SNRPB2: variants seen among roughly 807,000 people sequenced by gnomAD.
SNRPB2 encodes the protein small nuclear ribonucleoprotein polypeptide B2.
Under a neutral mutation model 26.3 loss-of-function variants are expected in SNRPB2, and 16 were observed. The observed-to-expected ratio is 0.61, with a 90% confidence interval of 0.41 to 0.92. SNRPB2 has a LOEUF of 0.92. Ranked by LOEUF, SNRPB2 falls within the 40% of genes least tolerant of loss-of-function variation. The pLI is 0.00. For synonymous variants in SNRPB2, 75 were observed against 89.0 expected (o/e 0.84, Z 0.88); for missense variants, 179 against 268.1 (o/e 0.67, Z 2.32).
intron 4 of SNRPB2, among the ~76,000 whole-genome samples, chr20:16,737,702 A>G (rs1193921966): frequency 6.6e-6 from 1 of 152,162 alleles, no homozygotes; most frequent in African/African-American, 2.4e-5. Context: ...GCCTATAAAT[A>G]ATACTGTAGT....
At chr20:16,736,876 TGAG>T (rs2072429416) in intron 3 of SNRPB2, among the ~76,000 whole-genome samples, 1 of 152,218 alleles carries the variant, frequency 6.6e-6, no homozygotes, top group Non-Finnish European at 1.5e-5. Flanking sequence ...CCTCAGGCAC[TGAG>T]GAGATTTGAA....
At chr20:16,736,010 T>C (rs1355185223) in intron 3 of SNRPB2, among the ~76,000 whole-genome samples, 1 of 152,222 alleles carries the variant, frequency 6.6e-6, no homozygotes, top group African/African-American at 2.4e-5. Flanking sequence ...GTTGTTGTTG[T>C]TTTTGTTCTG....
intron 5 of SNRPB2, 43 bp from the exon 6 acceptor site, chr20:16,740,282 G>T (rs201963096): frequency 1.2e-6 from 2 of 1,603,028 alleles, no homozygotes; most frequent in South Asian, 2.2e-5. Context: ...TTACGATGCT[G>T]TTTAAACTTA....
At chr20:16,736,119 A>T (rs2122502968) in intron 3 of SNRPB2, among the ~76,000 whole-genome samples, 1 of 152,366 alleles carries the variant, frequency 6.6e-6, no homozygotes, top group East Asian at 1.9e-4. Flanking sequence ...AATGATGTAA[A>T]TCAAATTGGT....
At chr20:16,730,469 CGCATGAAACCCT>C (rs1457832031) in intron 1 of SNRPB2, 2 of 152,384 alleles carry the variant, frequency 1.3e-5, no homozygotes, top group African/African-American at 2.4e-5. Context: ...GATCAAACCT[CGCATGAAACCCT>C]GCAAGAGCCT....
rs532592278 is a variant in SNRPB2 at position 16,742,165 on chromosome 20, T to A, written c.*1160T>A. On this transcript the variant is annotated 3_prime_UTR_variant, in exon 7 of 7. Transcript: ENST00000246071. ...AGTTAGTCTGACTCTTCTGAATAACTTTTTTAATCCCAGTAGTCAAGCTCC... is the reference window on the plus strand; with the variant it reads ...AGTTAGTCTGACTCTTCTGAATAACATTTTTAATCCCAGTAGTCAAGCTCC... 6.6e-6 allele frequency: 1 copy of A among 151,360 alleles called. No individual in the cohort carries two copies. The highest frequency in any genetic ancestry group is 1.5e-5 in the Non-Finnish European group (1 of 68,038). 9.4% of individuals were successfully genotyped at this position (151,360 alleles called of 1,614,324 possible).
intron 3 of SNRPB2, among the ~76,000 whole-genome samples, chr20:16,733,632 TG>T (rs1467964511): frequency 6.6e-6 from 1 of 152,234 alleles, no homozygotes; most frequent in East Asian, 1.9e-4. Context: ...AGATAATCTG[TG>T]TTGCAACTAC....
chr20:16,734,933 T>G (rs2072415616), intron 3 of SNRPB2, among the ~76,000 whole-genome samples: 1 of 152,210 alleles, frequency 6.6e-6, no homozygotes. Flanking sequence ...GAGGGAACCC[T>G]TAGGACCAAG....
chr20:16,731,172 G>A (rs940105859), intron 1 of SNRPB2, among the ~76,000 whole-genome samples: 1 of 152,158 alleles, frequency 6.6e-6, no homozygotes, highest in African/African-American at 2.4e-5. Context: ...TTTCAAGTCG[G>A]TTAGAGATAA....
intron 3 of SNRPB2, among the ~76,000 whole-genome samples, chr20:16,733,900 G>A (rs956731254): frequency 6.6e-6 from 1 of 152,170 alleles, no homozygotes; most frequent in African/African-American, 2.4e-5. Flanking sequence ...CCTATGTAAT[G>A]TAATTTTTAG....
At chr20:16,737,187 A>G (rs1246800435) in intron 3 of SNRPB2, 74 bp from the exon 4 acceptor site, 1 of 1,222,590 alleles carries the variant, frequency 8.2e-7, no homozygotes, top group Admixed American at 2.6e-5. Flanking sequence ...TGCGTAATGA[A>G]ATTTGAAATA....
intron 3 of SNRPB2, 43 bp from the exon 4 acceptor site, chr20:16,737,218 C>T (rs376601800): frequency 2.0e-6 from 3 of 1,500,704 alleles, no homozygotes; most frequent in East Asian, 2.3e-5. Flanking sequence ...GTGTAAACAT[C>T]CTTCAGCATG....
At chr20:16,736,031 T>C (rs1490658308) in intron 3 of SNRPB2, among the ~76,000 whole-genome samples, 1 of 152,158 alleles carries the variant, frequency 6.6e-6, no homozygotes, top group Non-Finnish European at 1.5e-5. Flanking sequence ...TGTGTGTCTG[T>C]TTTTTTAAAC....
intron 5 of SNRPB2, among the ~76,000 whole-genome samples, 179 bp from the exon 6 acceptor site, chr20:16,740,146 C>T (rs2072453998): frequency 6.6e-6 from 1 of 151,996 alleles, no homozygotes; most frequent in Non-Finnish European, 1.5e-5. Context: ...TTGTAATTTT[C>T]CAGACTTTCA....
At chr20:16,739,946 T>G (rs2072452628) in intron 5 of SNRPB2, among the ~76,000 whole-genome samples, 1 of 149,576 alleles carries the variant, frequency 6.7e-6, no homozygotes, top group South Asian at 2.1e-4. Flanking sequence ...GTAGTAACAG[T>G]ACAGAGGAAT....
intron 4 of SNRPB2, among the ~76,000 whole-genome samples, chr20:16,737,841 C>A (rs1470402484): frequency 1.3e-5 from 2 of 151,478 alleles, no homozygotes; most frequent in Admixed American, 6.6e-5. Context: ...TCGAGACCAT[C>A]CTGGCTAACA....
intron 2 of SNRPB2, 94 bp from the exon 3 acceptor site, chr20:16,732,070 A>AT: frequency 2.7e-6 from 2 of 744,104 alleles, no homozygotes; most frequent in Admixed American, 2.7e-5. Context: ...AAATAAGTGA[A>AT]TGGTGGGGGG....
intron 1 of SNRPB2, chr20:16,730,956 TG>T (rs2072385962): frequency 6.6e-6 from 1 of 152,266 alleles, no homozygotes; most frequent in Non-Finnish European, 1.5e-5. Flanking sequence ...GATGCAGAAC[TG>T]TGCTAGAATT....
At chr20:16,736,059 C>G (rs2072424401) in intron 3 of SNRPB2, among the ~76,000 whole-genome samples, 1 of 152,152 alleles carries the variant, frequency 6.6e-6, no homozygotes, top group South Asian at 2.1e-4. Flanking sequence ...CTTATAGCAG[C>G]TTTATTCCTA....
Sources: gnomAD v4.1 joint callset for allele counts (sites outside exome capture counted in the v4.1 genomes callset) on GRCh38, gnomAD v4.1.1 for gene constraint, MANE v1.5 for transcripts, NCBI Gene and HGNC (gene_info 2026-07-23, HGNC 2026-07-21) for gene names.